MYO15A: variants seen among roughly 807,000 people sequenced by gnomAD.
The protein encoded by MYO15A is unconventional myosin-XV.
In MYO15A, 308 loss-of-function variants were observed where a neutral mutation model predicts 394.6. The ratio of observed to expected loss-of-function variants is 0.78; its 90% CI spans 0.71 to 0.86. The LOEUF is 0.86. MYO15A is among the 40% of genes least tolerant of loss of function. The pLI is 0.00. For synonymous variants in MYO15A, 1,957 were observed against 2,003.8 expected (o/e 0.98, Z 0.62); for missense variants, 4,606 against 4,799.1 (o/e 0.96, Z 1.19).
At chr17:18,124,313 C>T (rs1248745869) in intron 2 of MYO15A, 170 bp from the exon 3 acceptor site, 3 of 700,628 alleles carry the variant, frequency 4.3e-6, no homozygotes, top group Non-Finnish European at 7.7e-6. Context: ...GGGTCGCATG[C>T]AGGTTCTGGG....
At chr17:18,139,815 T>G (rs2046346881) in intron 19 of MYO15A, among the ~76,000 whole-genome samples, 1 of 152,246 alleles carries the variant, frequency 6.6e-6, no homozygotes, top group Non-Finnish European at 1.5e-5. Context: ...CGCCTCATCC[T>G]GATCCTGTCC....
chr17:18,144,141 A>C, intron 28 of MYO15A, 141 bp downstream of exon 28: 1 of 1,404,080 alleles, frequency 7.1e-7, no homozygotes, highest in South Asian at 1.2e-5. Flanking sequence ...GATCATAGGG[A>C]ATCTGGGAGA....
Position 18,155,224 on chromosome 17 carries a change from C to T in MYO15A, c.8339C>T (p.Thr2780Met), listed in dbSNP as rs143826293. ...TACTTCTCCCGCATCTTCCCCGCCA[C>T]GGTGCGAGCCCCTCACTTGCCCCCT... The part of the protein sequence containing the change: ...EVYFSRIFPA[T>M]GSVGTGVQLL... The change falls in exon 46 of 66, where the codon ACG (threonine) becomes ATG (methionine). Residue 2780 changes from threonine (T) to methionine (M), a missense_variant and splice_region_variant. By Grantham distance (81) the Thr-to-Met change is moderately conservative. This residue lies in a region of MYO15A where 2,776 missense variants were observed against 3,109.3 expected (regional missense o/e 0.89). Transcript: ENST00000647165. 1.5e-3 allele frequency: 2,388 copies of T among 1,613,956 alleles called. 54 individuals are homozygous for T. In the Admixed American group the frequency reaches 0.036, roughly 24 times the overall value.
intron 10 of MYO15A, among the ~76,000 whole-genome samples, chr17:18,131,794 C>T (rs1555542483): frequency 6.6e-6 from 1 of 152,064 alleles, no homozygotes; most frequent in Non-Finnish European, 1.5e-5. Context: ...ACTTATCCTT[C>T]AGGCACCTGC....
Position 18,158,645 on chromosome 17 carries a change from G to A in MYO15A, c.9083+7G>A, listed in dbSNP as rs886052681. Reference sequence around the variant, plus strand: ...ACCCTCAGAGGAGACCCCAGTGAGTGGCGGCCCCACCCCTCTTCCCACAGT... The same window carrying A: ...ACCCTCAGAGGAGACCCCAGTGAGTAGCGGCCCCACCCCTCTTCCCACAGT... On this transcript the variant is annotated splice_region_variant and intron_variant, in intron 52 of 65. Transcript: ENST00000647165. 2.5e-6 allele frequency: 4 copies of A among 1,613,570 alleles called. No individual in the cohort carries two copies. The highest frequency in any genetic ancestry group is 3.4e-6 in the Non-Finnish European group (4 of 1,179,478).
rs2142355421 is a variant in MYO15A at position 18,146,128 on chromosome 17, G to A, written c.6509+21G>A. On this transcript the variant is annotated intron_variant, in intron 30 of 65. Transcript: ENST00000647165. ...CTCAAGTGAGTGGGACTGGATAGGGGCTGGGACACGAGGGACGGTGGCACC... is the reference window on the plus strand; with the variant it reads ...CTCAAGTGAGTGGGACTGGATAGGGACTGGGACACGAGGGACGGTGGCACC... 3.1e-6 allele frequency: 5 copies of A among 1,611,244 alleles called. No homozygotes were observed. The South Asian group carries it at 4.4e-5, about 14-fold the overall frequency.
Position 18,161,368 on chromosome 17 carries a change from C to T in MYO15A, c.9438C>T (p.His3146=). The change falls in exon 57 of 66, where the codon CAC becomes CAT. Residue 3146 remains histidine (H), a synonymous_variant. Coordinates refer to ENST00000647165, the MANE Select transcript of MYO15A (RefSeq NM_016239.4). The part of the protein sequence containing the change: ...WRLLYIVTAY[H]SCSEVLHPHL... ...TGCTGTATATCGTGACCGCCTACCA[C>T]AGCTGCTCTGAGGTCCTCCACCCAC... 2 of 1,614,130 alleles carry T rather than the reference C, an allele frequency of 1.2e-6. No individual in the cohort carries two copies. Among genetic ancestry groups the T allele is most frequent in the Non-Finnish European group, 1.7e-6 (2 of 1,180,028 alleles).
chr17:18,123,299 C>G (rs1253223796), intron 2 of MYO15A: 1 of 152,228 alleles, frequency 6.6e-6, no homozygotes, highest in African/African-American at 2.4e-5. Context: ...CGGCGGATGC[C>G]CCGCGCTGTG....
In MYO15A at chr17:18,132,187, A is replaced by C. The variant is rs2046179504; in HGVS notation, c.4207-266A>C. Among the ~76,000 whole-genome samples the C allele has an allele frequency of 6.6e-6, 1 of 152,176 alleles. No homozygotes were observed. ...GTGTGGCCGGTACACATAAGAGAAG[A>C]CGGGTCCCTTTTCTCTTATTTCTCC... On this transcript the variant is annotated intron_variant, in intron 10 of 65. Transcript: ENST00000647165. This position sits in a 1 kb window ranked among gnomAD's most constrained non-coding sequence, Gnocchi z 4.6.
intron 7 of MYO15A, among the ~76,000 whole-genome samples, chr17:18,127,601 G>A (rs1309689125): frequency 6.6e-6 from 1 of 152,132 alleles, no homozygotes; most frequent in East Asian, 1.9e-4. Flanking sequence ...GGGGGAGGCA[G>A]TAGATGCCAG....
At chr17:18,135,569 G>T (rs893832274) in intron 12 of MYO15A, 142 bp from the exon 13 acceptor site, 10 of 712,592 alleles carry the variant, frequency 1.4e-5, no homozygotes, top group Non-Finnish European at 2.4e-5. Flanking sequence ...TCGAACTCCT[G>T]GCCTCAGGTG....
intron 7 of MYO15A, among the ~76,000 whole-genome samples, chr17:18,127,422 A>C (rs1290984344): frequency 2.6e-5 from 4 of 152,160 alleles, no homozygotes; most frequent in Admixed American, 6.5e-5. Flanking sequence ...AGTGGAGACC[A>C]CATAGGGAAG....
rs542922625 is a variant in MYO15A at position 18,153,885 on chromosome 17, C to T, written c.8077C>T (p.Leu2693=). ...GYQDAPWKIF[L]RKEVFYPKDS... Reference sequence around the variant, plus strand: ...TCAGGACGCCCCCTGGAAGATCTTCCTGCGCAAAGAGGTGCCGAGCACAGC... The same window carrying T: ...TCAGGACGCCCCCTGGAAGATCTTCTTGCGCAAAGAGGTGCCGAGCACAGC... Residue 2693 remains leucine (L), a synonymous_variant, in exon 43 of 66, where the codon CTG becomes TTG. Coordinates refer to ENST00000647165, the MANE Select transcript of MYO15A (RefSeq NM_016239.4). The surrounding 1 kb of genome is among the most constrained non-coding windows in gnomAD (Gnocchi z 4.1). 64 of 1,613,602 alleles carry T rather than the reference C, an allele frequency of 4.0e-5. No individual in the cohort carries two copies. In the South Asian group the frequency reaches 6.6e-4, roughly 17 times the overall value.
rs876657899 is a variant in MYO15A at position 18,138,226 on chromosome 17, G to A, written c.4987G>A (p.Asp1663Asn). 4.3e-6 allele frequency: 7 copies of A among 1,613,174 alleles called. No homozygotes were observed. Among genetic ancestry groups the A allele is most frequent in the Admixed American group, 1.7e-5 (1 of 60,020 alleles). ...KPYGILRILD[D>N]QCCFPQATDH... is the part of the protein sequence containing the mutation. ...TTATGGCATCCTGCGGATCCTTGACGACCAGTGTTGCTTTCCCCAGGTGAG... is the reference window on the plus strand; with the variant it reads ...TTATGGCATCCTGCGGATCCTTGACAACCAGTGTTGCTTTCCCCAGGTGAG... Residue 1663 changes from aspartate (D) to asparagine (N), a missense_variant, in exon 17 of 66, where the codon GAC becomes AAC. Asp to Asn is a conservative substitution (Grantham distance 23). Coordinates refer to ENST00000647165, the MANE Select transcript of MYO15A (RefSeq NM_016239.4).
chr17:18,171,736 C>T lies in MYO15A; in HGVS notation c.10181C>T (p.Ala3394Val), dbSNP rs200249886. 2.8e-4 allele frequency: 453 copies of T among 1,612,256 alleles called. 1 individual carries two copies. The highest frequency in any genetic ancestry group is 3.2e-4 in the Non-Finnish European group (372 of 1,179,980). ...LVSQHRQQTQ[A>V]LSPHQARAQF... ...AGCCAGCACCGGCAGCAGACACAGG[C>T]GCTCAGCCCCCACCAGGCCCGTGCC... Residue 3394 changes from alanine to valine, a missense_variant, in exon 63 of 66, where the codon GCG (alanine) becomes GTG (valine). Transcript: ENST00000647165.
At position 18,179,659 on chromosome 17, in the gene MYO15A, GA is replaced by G. The variant is rs2047061781; in HGVS notation, c.*791del. The G allele has an allele frequency of 6.6e-6, 1 of 152,394 alleles. No individual in the cohort carries two copies. Among genetic ancestry groups the G allele is most frequent in the African/African-American group, 2.4e-5 (1 of 41,442 alleles). The allele number at this position is 152,394 out of a possible 1,614,324, so 9.4% of individuals were successfully genotyped here. A position where few individuals can be genotyped will look rare whatever the true frequency, so the allele number is the denominator to read the frequency against. ...AGTAGGAGTTTGCTAAGAATAGATG[GA>G]AGACAGCAGGATAAACATTCCAGAG... On this transcript the variant is annotated 3_prime_UTR_variant, in exon 66 of 66. Coordinates refer to ENST00000647165, the MANE Select transcript of MYO15A (RefSeq NM_016239.4).
chr17:18,140,895 G>A, intron 21 of MYO15A, 63 bp downstream of exon 21: 1 of 1,613,144 alleles, frequency 6.2e-7, no homozygotes, highest in Admixed American at 1.7e-5. Context: ...GTGACCTTGG[G>A]CAAGTGGCTT....
chr17:18,160,058 T>C, intron 56 of MYO15A, 41 bp downstream of exon 56: 1 of 1,585,908 alleles, frequency 6.3e-7, no homozygotes, highest in Non-Finnish European at 8.6e-7. Context: ...CCTCACTGTG[T>C]CCATGCTCCA....
At position 18,153,763 on chromosome 17, in the gene MYO15A, C is replaced by T; in HGVS notation, c.7967-12C>T. 6.2e-6 allele frequency: 10 copies of T among 1,613,220 alleles called. No individual in the cohort carries two copies. The highest frequency in any genetic ancestry group is 8.5e-6 in the Non-Finnish European group (10 of 1,179,892). ...TGCCTTCTCCTGACTCCCTGATCCC[C>T]GCGCTCTCCAGCTCTGCCCTCGCGA... is the stretch of plus-strand genomic sequence containing the variant. On this transcript the variant is annotated splice_polypyrimidine_tract_variant and intron_variant, in intron 42 of 65. Transcript: ENST00000647165. The surrounding 1 kb of genome is among the most constrained non-coding windows in gnomAD (Gnocchi z 4.1).
Sources: gnomAD v4.1 joint callset for allele counts (sites outside exome capture counted in the v4.1 genomes callset) on GRCh38, gnomAD v4.1.1 for gene constraint, gnomAD v4.1.1 regional missense constraint, Gnocchi (gnomAD v3.1) non-coding constraint, MANE v1.5 for transcripts, NCBI Gene and HGNC (gene_info 2026-07-23, HGNC 2026-07-21) for gene names.